CYB561: variants seen among roughly 807,000 people sequenced by gnomAD.
CYB561 encodes cytochrome b561, also known as transmembrane ascorbate-dependent reductase CYB561.
A neutral mutation model predicts 25.3 loss-of-function variants in CYB561; 11 were observed. That is an observed-to-expected ratio of 0.44 (90% CI 0.27 to 0.72). The LOEUF (loss-of-function observed/expected upper bound fraction) is 0.72, where lower values mean the gene tolerates loss of function less well. Among genes scored for constraint, CYB561 ranks in the 30% least tolerant of loss-of-function variants. CYB561 has a pLI of 0.18. For missense variants in CYB561, 295 were observed against 334.9 expected, an observed-to-expected ratio of 0.88 and a Z score of 0.93; for synonymous variants, 165 against 158.8, an observed-to-expected ratio of 1.04 and a Z score of -0.29.
Position 63,436,094 on chromosome 17 carries a change from G to A in CYB561, c.261C>T (p.His87=), listed in dbSNP as rs761669903. The stretch of plus-strand genomic sequence containing the variant: ...CGAGCGCAAAGATGTGCAGCAGCCC[G>A]TGCAGGACCTTGGTGGTGCGTTTAG... The part of the protein sequence containing the change: ...NEAKRTTKVL[H]GLLHIFALVI... The change falls in exon 3 of 6, where the codon CAC becomes CAT. Residue 87 remains histidine (H), a synonymous_variant. Coordinates refer to ENST00000360793, the MANE Select transcript of CYB561 (RefSeq NM_001915.4). This position sits in a 1 kb window ranked among gnomAD's most constrained non-coding sequence, Gnocchi z 4.8. 1.4e-5 allele frequency: 23 copies of A among 1,614,110 alleles called. No homozygotes were observed. In the Middle Eastern group the frequency reaches 4.9e-4, roughly 35 times the overall value.
chr17:63,437,534 G>T lies in CYB561; in HGVS notation c.14C>A (p.Ala5Asp). MEGG[A>D]AAATPTALPY... ...CAGTGCTGTGGGGGTGGCTGCCGCG[G>T]CCCCGCCCTCCATGCTGAGGCAAAC... The change falls in exon 2 of 6, where the codon GCC becomes GAC. Residue 5 changes from alanine (A) to aspartate (D), a missense_variant. Coordinates refer to ENST00000360793, the MANE Select transcript of CYB561 (RefSeq NM_001915.4). The T allele has an allele frequency of 1.2e-6, 2 of 1,610,516 alleles. No homozygotes were observed.
intron 1 of CYB561, chr17:63,442,625 A>C (rs2049385779): frequency 6.6e-6 from 1 of 152,182 alleles, no homozygotes; most frequent in Admixed American, 6.5e-5. Flanking sequence ...TGCAGACCAG[A>C]ACCTTGCAAC....
chr17:63,443,837 G>A (rs1227924545), intron 1 of CYB561, among the ~76,000 whole-genome samples: 1 of 152,022 alleles, frequency 6.6e-6, no homozygotes, highest in Non-Finnish European at 1.5e-5. Context: ...TGTTGTGCAG[G>A]CTAGTCTCAA....
At position 63,436,132 on chromosome 17, in the gene CYB561, A is replaced by G; in HGVS notation, c.223T>C (p.Phe75Leu). The change falls in exon 3 of 6, where the codon TTC becomes CTC. Residue 75 changes from phenylalanine to leucine, a missense_variant. Phe to Leu is a conservative substitution (Grantham distance 22). Transcript: ENST00000360793. The surrounding 1 kb of genome is among the most constrained non-coding windows in gnomAD (Gnocchi z 4.8). The stretch of plus-strand genomic sequence containing the variant: ...GTGGTGCGTTTAGCTTCGTTCCTGA[A>G]GACACGGTAAACCAGCAGGGCTGTG... The part of the protein sequence containing the change: ...QGNALLVYRV[F>L]RNEAKRTTKV... The G allele has an allele frequency of 6.2e-7, 1 of 1,614,108 alleles. No homozygotes were observed. Among genetic ancestry groups the G allele is most frequent in the African/African-American group, 1.3e-5 (1 of 75,024 alleles).
chr17:63,441,123 C>T (rs1191358348), intron 1 of CYB561, among the ~76,000 whole-genome samples: 1 of 152,218 alleles, frequency 6.6e-6, no homozygotes, highest in Admixed American at 6.5e-5. Context: ...GCTCTCTTCT[C>T]GCAGCGACGA....
At chr17:63,439,770 T>C (rs2049356461) in intron 1 of CYB561, among the ~76,000 whole-genome samples, 1 of 152,198 alleles carries the variant, frequency 6.6e-6, no homozygotes, top group Non-Finnish European at 1.5e-5. Flanking sequence ...TGGATGTTTG[T>C]GTCAATGGAT....
At chr17:63,437,612 G>T in intron 1 of CYB561, 52 bp from the exon 2 acceptor site, 24 of 1,468,840 alleles carry the variant, frequency 1.6e-5, no homozygotes, top group Non-Finnish European at 2.2e-5. Flanking sequence ...CCCGAGATGC[G>T]CACAGCCCCC....
At position 63,434,364 on chromosome 17, in the gene CYB561, G is replaced by A; in HGVS notation, c.*38C>T. ...AAGACGCCTCAGCAGGGGCAGGCAA[G>A]AAGACACCCCGCGAACCCCCAGGGC... On this transcript the variant is annotated 3_prime_UTR_variant, in exon 6 of 6. Transcript: ENST00000360793. 6.6e-7 allele frequency: 1 copy of A among 1,504,190 alleles called. No homozygotes were observed. The highest frequency in any genetic ancestry group is 8.9e-7 in the Non-Finnish European group (1 of 1,119,782). The allele number at this position is 1,504,190 out of a possible 1,614,324, so 93.2% of individuals were successfully genotyped here.
intron 1 of CYB561, 142 bp from the exon 2 acceptor site, chr17:63,437,702 G>A (rs535398242): frequency 0.019 from 11,166 of 576,368 alleles, 146 homozygotes; most frequent in Middle Eastern, 0.04. Flanking sequence ...AGCCGCCCCC[G>A]GAGATAAGCA....
intron 1 of CYB561, among the ~76,000 whole-genome samples, chr17:63,439,538 A>C (rs950677752): frequency 2.0e-5 from 3 of 151,604 alleles, no homozygotes; most frequent in African/African-American, 7.3e-5. Flanking sequence ...GTCTCAAAAA[A>C]AATTTTTTTT....
At position 63,433,279 on chromosome 17, in the gene CYB561, G is replaced by A. The variant is rs578128585; in HGVS notation, c.*1123C>T. The A allele has an allele frequency of 7.5e-6, 3 of 397,730 alleles. No homozygotes were observed. The highest frequency in any genetic ancestry group is 1.3e-4 in the South Asian group (1 of 7,788). 24.6% of individuals were successfully genotyped at this position (397,730 alleles called of 1,614,324 possible). A position where few individuals can be genotyped will look rare whatever the true frequency, so the allele number is the denominator to read the frequency against. On this transcript the variant is annotated 3_prime_UTR_variant, in exon 6 of 6. Coordinates refer to ENST00000360793, the MANE Select transcript of CYB561 (RefSeq NM_001915.4). ...GTCTTGATCTCCTGGCCTCGCACAC[G>A]ATCAGTGTTCTAATCACACTATTTC...
chr17:63,434,736 C>T (rs1414458168), intron 5 of CYB561, 142 bp from the exon 6 acceptor site: 5 of 699,036 alleles, frequency 7.2e-6, no homozygotes, highest in Non-Finnish European at 9.3e-6. Flanking sequence ...GAACAACCAT[C>T]CCCCCGCCCC....
intron 2 of CYB561, 84 bp downstream of exon 2, chr17:63,437,262 C>A: frequency 9.5e-7 from 1 of 1,056,156 alleles, no homozygotes. Flanking sequence ...CCAGAAGAGA[C>A]CGCAGGGGTG....
At chr17:63,445,107 T>TG (rs1261814341) in intron 1 of CYB561, among the ~76,000 whole-genome samples, 1 of 151,848 alleles carries the variant, frequency 6.6e-6, no homozygotes, top group Non-Finnish European at 1.5e-5. Flanking sequence ...ACCCGGAAGA[T>TG]GGAGGTTGCA....
In CYB561 at chr17:63,436,505, G is replaced by A. The variant is rs574396697; in HGVS notation, c.203-353C>T. On this transcript the variant is annotated intron_variant, in intron 2 of 5. Transcript: ENST00000360793. This position sits in a 1 kb window ranked among gnomAD's most constrained non-coding sequence, Gnocchi z 4.8. ...TCGTCCCCACCTAAAGGAGCTGCCC[G>A]GCCCAGCAGACGCCCCCCTCCACCC... 2 of 200,172 alleles carry A rather than the reference G, an allele frequency of 1.0e-5. No individual in the cohort carries two copies. The highest frequency in any genetic ancestry group is 1.0e-5 in the Non-Finnish European group (1 of 97,312). The allele number at this position is 200,172 out of a possible 1,614,324, so 12.4% of individuals were successfully genotyped here.
intron 1 of CYB561, chr17:63,440,145 A>ACC: frequency 2.5e-6 from 1 of 398,270 alleles, no homozygotes; most frequent in Non-Finnish European, 4.4e-6. Flanking sequence ...TGTCCCCGCC[A>ACC]CCCCAAATTC....
Position 63,432,535 on chromosome 17 carries a change from T to C in CYB561, c.*1867A>G, listed in dbSNP as rs1468713797. ...GCATTCCGGCTAGAGAGAGACACGA[T>C]TGTACTTTGGTAGTTTGTCTAAGGC... On this transcript the variant is annotated 3_prime_UTR_variant, in exon 6 of 6. Transcript: ENST00000360793. 1 of 152,228 alleles carries C rather than the reference T, an allele frequency of 6.6e-6. No homozygotes were observed. The highest frequency in any genetic ancestry group is 1.5e-5 in the Non-Finnish European group (1 of 68,042). The allele number at this position is 152,228 out of a possible 1,614,324, so 9.4% of individuals were successfully genotyped here.
chr17:63,438,292 C>A, intron 1 of CYB561: 5 of 1,338,358 alleles, frequency 3.7e-6, no homozygotes, highest in Non-Finnish European at 5.1e-6. Flanking sequence ...CGCTCCTTGA[C>A]GGGAAGGAAG....
chr17:63,434,527 A>T lies in CYB561; in HGVS notation c.631T>A (p.Phe211Ile). ...ANVLGLLLAC[F>I]GGAVLYILTR... ...AAGATGTAGAGCACCGCCCCACCGAAGCAGGCCAGCAGCAGGCCCAGCACG... is the reference window on the plus strand; with the variant it reads ...AAGATGTAGAGCACCGCCCCACCGATGCAGGCCAGCAGCAGGCCCAGCACG... The change falls in exon 6 of 6, where the codon TTC (phenylalanine) becomes ATC (isoleucine). Residue 211 changes from phenylalanine (F) to isoleucine (I), a missense_variant. Phe to Ile is a conservative substitution (Grantham distance 21). Coordinates refer to ENST00000360793, the MANE Select transcript of CYB561 (RefSeq NM_001915.4). 1 of 1,613,488 alleles carries T rather than the reference A, an allele frequency of 6.2e-7. No homozygotes were observed. Among genetic ancestry groups the T allele is most frequent in the Non-Finnish European group, 8.5e-7 (1 of 1,179,956 alleles).
Sources: gnomAD v4.1 joint callset for allele counts (sites outside exome capture counted in the v4.1 genomes callset) on GRCh38, gnomAD v4.1.1 for gene constraint, Gnocchi (gnomAD v3.1) non-coding constraint, MANE v1.5 for transcripts, NCBI Gene and HGNC (gene_info 2026-07-23, HGNC 2026-07-21) for gene names.